NELL1: variants seen among roughly 807,000 people sequenced by gnomAD.
NELL1 encodes the protein neural EGFL like 1.
In NELL1, 76 loss-of-function variants were observed where a neutral mutation model predicts 107.4. The ratio of observed to expected loss-of-function variants is 0.71; its 90% confidence interval spans 0.59 to 0.86. NELL1 has a LOEUF of 0.86. Ranked by LOEUF, NELL1 falls within the 40% of genes least tolerant of loss-of-function variation. The pLI is 0.00. For missense variants in NELL1, 1,024 were observed against 1,005.5 expected (o/e 1.02, Z -0.25); for synonymous variants, 353 against 341.2 (o/e 1.03, Z -0.38).
chr11:21,558,293 T>A (rs935439454), intron 16 of NELL1, among the ~76,000 whole-genome samples: 10 of 151,214 alleles, frequency 6.6e-5, no homozygotes, highest in South Asian at 4.2e-4. Flanking sequence ...CGTTGCTTTT[T>A]AAAAAAAAAT....
intron 15 of NELL1, among the ~76,000 whole-genome samples, chr11:21,498,206 T>C (rs570861065): frequency 6.6e-6 from 1 of 151,628 alleles, no homozygotes; most frequent in Non-Finnish European, 1.5e-5. Flanking sequence ...ATTCTTTTTA[T>C]ATTCTTTCTT....
chr11:20,808,476 G>A (rs1447534761), intron 3 of NELL1, among the ~76,000 whole-genome samples: 1 of 152,210 alleles, frequency 6.6e-6, no homozygotes, highest in South Asian at 2.1e-4. Flanking sequence ...ACTGCCTGGG[G>A]TTGGGGGAGG....
chr11:21,213,574 G>A (rs1248687827), intron 13 of NELL1, among the ~76,000 whole-genome samples: 2 of 152,050 alleles, frequency 1.3e-5, no homozygotes, highest in Non-Finnish European at 2.9e-5. Context: ...GAATAATTTT[G>A]AATTGAATAT....
chr11:20,841,301 C>T (rs564228530), intron 3 of NELL1, among the ~76,000 whole-genome samples: 15 of 150,860 alleles, frequency 9.9e-5, no homozygotes, highest in Admixed American at 2.0e-4. Flanking sequence ...GGACATAATA[C>T]ACAGCACCTC....
intron 15 of NELL1, among the ~76,000 whole-genome samples, chr11:21,442,705 A>G (rs191727863): frequency 5.9e-5 from 9 of 152,322 alleles, no homozygotes. Flanking sequence ...TAATAAAAGT[A>G]TGCTGTCAGC....
chr11:20,719,881 G>C (rs1220697443), intron 2 of NELL1, among the ~76,000 whole-genome samples: 1 of 128,764 alleles, frequency 7.8e-6, no homozygotes, highest in African/African-American at 2.5e-5. Context: ...AACCTATCAG[G>C]ATTTAATGGA....
intron 11 of NELL1, among the ~76,000 whole-genome samples, chr11:20,956,997 A>G (rs952697): frequency 0.025 from 3,783 of 152,262 alleles, 164 homozygotes; most frequent in African/African-American, 0.086. Context: ...GGGAGAAAAA[A>G]AACAACTGGA....
At chr11:20,870,250 C>G (rs1347617334) in intron 4 of NELL1, among the ~76,000 whole-genome samples, 1 of 152,160 alleles carries the variant, frequency 6.6e-6, no homozygotes, top group African/African-American at 2.4e-5. Context: ...TTTAGAATAG[C>G]AGTCTCTAAC....
At chr11:21,035,298 C>G (rs1433352054) in intron 12 of NELL1, among the ~76,000 whole-genome samples, 1 of 151,960 alleles carries the variant, frequency 6.6e-6, no homozygotes, top group Non-Finnish European at 1.5e-5. Flanking sequence ...ACCAGATGTA[C>G]AAAGAAGAGC....
intron 4 of NELL1, among the ~76,000 whole-genome samples, chr11:20,872,671 G>GGGGTGT (rs368157510): frequency 2.9e-5 from 4 of 137,178 alleles, no homozygotes; most frequent in South Asian, 2.5e-4. Flanking sequence ...CAGTGTTTGA[G>GGGGTGT]GTGTGTGTGT....
chr11:21,325,326 T>A (rs1850106471), intron 14 of NELL1, among the ~76,000 whole-genome samples: 1 of 152,042 alleles, frequency 6.6e-6, no homozygotes, highest in Admixed American at 6.6e-5. Context: ...CTTCAGAGGA[T>A]TTTTTACCTT....
At chr11:21,535,527 GC>G (rs1856114502) in intron 16 of NELL1, among the ~76,000 whole-genome samples, 1 of 152,086 alleles carries the variant, frequency 6.6e-6, no homozygotes, top group South Asian at 2.1e-4. Flanking sequence ...CAGAACAATG[GC>G]CACGTGGCAT....
At chr11:21,475,325 G>C (rs938970402) in intron 15 of NELL1, among the ~76,000 whole-genome samples, 2 of 152,054 alleles carry the variant, frequency 1.3e-5, no homozygotes, top group African/African-American at 4.8e-5. Context: ...TTATTTATGT[G>C]CCACATGTCC....
intron 14 of NELL1, among the ~76,000 whole-genome samples, chr11:21,320,617 G>C (rs1342995550): frequency 6.6e-6 from 1 of 152,168 alleles, no homozygotes; most frequent in African/African-American, 2.4e-5. Context: ...TGGAATTGCT[G>C]TTTATTCCAT....
chr11:20,985,840 G>A (rs1851842131), intron 12 of NELL1, among the ~76,000 whole-genome samples: 1 of 152,142 alleles, frequency 6.6e-6, no homozygotes, highest in Admixed American at 6.5e-5. Flanking sequence ...AAGAACCTTG[G>A]TTAGTTGCAA....
At chr11:21,414,437 G>T (rs918022170) in intron 15 of NELL1, among the ~76,000 whole-genome samples, 4 of 152,044 alleles carry the variant, frequency 2.6e-5, no homozygotes, top group Non-Finnish European at 5.9e-5. Flanking sequence ...TTTTGAGAAT[G>T]AGAAAGGGAT....
intron 18 of NELL1, among the ~76,000 whole-genome samples, chr11:21,571,927 T>G (rs569494420): frequency 6.6e-6 from 1 of 152,008 alleles, no homozygotes; most frequent in South Asian, 2.1e-4. Context: ...GGGTACTGTA[T>G]GAAAACAAGT....
chr11:21,239,406 A>G (rs557913508), intron 14 of NELL1, among the ~76,000 whole-genome samples: 13 of 152,194 alleles, frequency 8.5e-5, no homozygotes, highest in African/African-American at 3.1e-4. Flanking sequence ...TTATGATCCA[A>G]GATACTGCCA....
At chr11:21,046,284 C>T (rs538975522) in intron 12 of NELL1, among the ~76,000 whole-genome samples, 1 of 151,952 alleles carries the variant, frequency 6.6e-6, no homozygotes, top group Non-Finnish European at 1.5e-5. Flanking sequence ...AATCATAAAC[C>T]ACAAAACTAA....
Sources: allele counts gnomAD v4.1 joint callset (sites outside exome capture counted in the v4.1 genomes callset), GRCh38; gene constraint gnomAD v4.1.1; transcripts MANE v1.5; gene names NCBI Gene and HGNC (gene_info 2026-07-23, HGNC 2026-07-21).